ADARB2: variants seen among roughly 807,000 people sequenced by gnomAD.
ADARB2 encodes inactive double-stranded RNA-specific editase B2.
Under a neutral mutation model 62.2 loss-of-function variants are expected in ADARB2, and 25 were observed. That is an observed-to-expected ratio of 0.40 (90% CI 0.29 to 0.56). ADARB2 has a LOEUF of 0.56. ADARB2 is among the 20% of genes least tolerant of loss of function. ADARB2 has a pLI of 0.43. For missense variants in ADARB2, 1,071 were observed against 1,077.4 expected (o/e 0.99, Z 0.08); for synonymous variants, 572 against 500.8 (o/e 1.14, Z -1.90).
chr10:1,493,007 C>T (rs11817394), intron 1 of ADARB2, among the ~76,000 whole-genome samples: 20,176 of 152,168 alleles, frequency 0.13, 1,682 homozygotes, highest in East Asian at 0.32. Context: ...ACTTTAAAAC[C>T]CTAAAAGGGA....
intron 1 of ADARB2, among the ~76,000 whole-genome samples, chr10:1,705,996 T>G (rs1834885727): frequency 6.6e-6 from 1 of 152,244 alleles, no homozygotes; most frequent in South Asian, 2.1e-4. Context: ...TATCTTCTTG[T>G]TTTTTGTTCT....
intron 1 of ADARB2, among the ~76,000 whole-genome samples, chr10:1,690,675 TG>T (rs747251266): frequency 3.3e-5 from 5 of 152,168 alleles, no homozygotes; most frequent in Non-Finnish European, 5.9e-5. Flanking sequence ...AGTGGAGCAC[TG>T]CCCTGCTTTG....
At chr10:1,558,606 T>C (rs2944720) in intron 1 of ADARB2, among the ~76,000 whole-genome samples, 924 of 19,530 alleles carry the variant, frequency 0.047, 1 homozygote, top group African/African-American at 0.086. Flanking sequence ...GCTCAGCCCC[T>C]GCATGCTCCA....
chr10:1,630,387 G>A (rs952980114), intron 1 of ADARB2, among the ~76,000 whole-genome samples: 2 of 152,162 alleles, frequency 1.3e-5, no homozygotes, highest in African/African-American at 4.8e-5. Context: ...CTACCCAGCG[G>A]TGACACCCTT....
At chr10:1,689,955 T>A (rs1588353569) in intron 1 of ADARB2, among the ~76,000 whole-genome samples, 2 of 152,312 alleles carry the variant, frequency 1.3e-5, no homozygotes, top group South Asian at 4.1e-4. Flanking sequence ...AACAATGATT[T>A]CAGAAAGAAA....
intron 1 of ADARB2, among the ~76,000 whole-genome samples, chr10:1,706,926 T>TTGGGCAGGAAGTAGGGTTTCAC (rs1834897385): frequency 2.6e-5 from 4 of 152,126 alleles, no homozygotes; most frequent in African/African-American, 4.8e-5. Context: ...TAGGGTTTCA[T>TTGGGCAGGAAGTAGGGTTTCAC]TGGGCAGGAA....
At chr10:1,356,960 A>G (rs1452612718) in intron 3 of ADARB2, among the ~76,000 whole-genome samples, 1 of 152,196 alleles carries the variant, frequency 6.6e-6, no homozygotes, top group African/African-American at 2.4e-5. Flanking sequence ...GACAGAAATG[A>G]CGTTCGTTTT....
chr10:1,225,375 T>C (rs1830736195), intron 6 of ADARB2, among the ~76,000 whole-genome samples: 3 of 152,188 alleles, frequency 2.0e-5, no homozygotes, highest in Non-Finnish European at 4.4e-5. Context: ...AATTTGCCAG[T>C]CTGTGCCTTT....
At chr10:1,330,442 A>C (rs1336939265) in intron 3 of ADARB2, among the ~76,000 whole-genome samples, 4 of 152,258 alleles carry the variant, frequency 2.6e-5, no homozygotes, top group African/African-American at 9.6e-5. Flanking sequence ...AAATGATGAG[A>C]TATGCTCAGA....
intron 1 of ADARB2, among the ~76,000 whole-genome samples, chr10:1,652,208 C>G (rs1022460129): frequency 6.6e-6 from 1 of 152,220 alleles, no homozygotes; most frequent in East Asian, 1.9e-4. Context: ...CCCTGCAGCA[C>G]AGCCCTGGCC....
chr10:1,373,619 G>C (rs1832393775), intron 2 of ADARB2, among the ~76,000 whole-genome samples: 2 of 152,148 alleles, frequency 1.3e-5, no homozygotes, highest in Non-Finnish European at 2.9e-5. Context: ...ACATCAGCTG[G>C]GTGGGAAATG....
At chr10:1,315,525 C>G (rs775304183) in intron 3 of ADARB2, among the ~76,000 whole-genome samples, 2 of 152,214 alleles carry the variant, frequency 1.3e-5, no homozygotes, top group African/African-American at 2.4e-5. Flanking sequence ...TAATTCTAAA[C>G]AGTCAATGAG....
chr10:1,353,458 C>T (rs1224657001), intron 3 of ADARB2, among the ~76,000 whole-genome samples: 1 of 152,180 alleles, frequency 6.6e-6, no homozygotes, highest in Non-Finnish European at 1.5e-5. Context: ...CTTCCTTTAA[C>T]AGCCCTCACC....
intron 1 of ADARB2, among the ~76,000 whole-genome samples, chr10:1,409,844 CACAGGGA>C (rs1225689188): frequency 8.2e-6 from 1 of 122,458 alleles, no homozygotes; most frequent in African/African-American, 2.8e-5. Context: ...TGGCCGTGGT[CACAGGGA>C]ATGATCCTCA....
At chr10:1,726,062 G>A (rs1162650808) in intron 1 of ADARB2, among the ~76,000 whole-genome samples, 1 of 152,242 alleles carries the variant, frequency 6.6e-6, no homozygotes, top group Non-Finnish European at 1.5e-5. Flanking sequence ...TGATGTTCAA[G>A]TTTTGAGGTA....
intron 3 of ADARB2, among the ~76,000 whole-genome samples, chr10:1,277,538 C>T (rs1831329290): frequency 6.6e-6 from 1 of 152,158 alleles, no homozygotes; most frequent in Admixed American, 6.5e-5. Context: ...CATACACCCT[C>T]CCAAGACTAA....
chr10:1,641,753 C>T (rs769061407), intron 1 of ADARB2, among the ~76,000 whole-genome samples: 11 of 152,194 alleles, frequency 7.2e-5, no homozygotes, highest in Non-Finnish European at 1.3e-4. Context: ...CGGCTCACAC[C>T]TGTCATCCCA....
intron 3 of ADARB2, among the ~76,000 whole-genome samples, chr10:1,345,144 T>C (rs2131840976): frequency 6.6e-6 from 1 of 151,186 alleles, no homozygotes; most frequent in African/African-American, 2.4e-5. Flanking sequence ...GCCTGGGGGG[T>C]GAGGATGCTT....
intron 1 of ADARB2, among the ~76,000 whole-genome samples, chr10:1,418,188 T>C (rs1241977990): frequency 6.6e-6 from 1 of 152,174 alleles, no homozygotes; most frequent in East Asian, 1.9e-4. Context: ...TATGGTGTTT[T>C]GTTAAAGTGT....
Sources: gnomAD v4.1 joint callset for allele counts (sites outside exome capture counted in the v4.1 genomes callset) on GRCh38, gnomAD v4.1.1 for gene constraint, MANE v1.5 for transcripts, NCBI Gene and HGNC (gene_info 2026-07-23, HGNC 2026-07-21) for gene names.